The following CADPS variants were observed in gnomAD, a reference collection of about 807,000 sequenced individuals.
CADPS encodes the protein calcium-dependent secretion activator 1.
In CADPS, 57 loss-of-function variants were observed where a neutral mutation model predicts 167.3. The ratio of observed to expected loss-of-function variants is 0.34; its 90% CI spans 0.28 to 0.42. The LOEUF is 0.42. Ranked by LOEUF, CADPS falls within the 20% of genes least tolerant of loss-of-function variation. CADPS has a pLI of 1.00. For synonymous variants in CADPS, 676 were observed against 635.3 expected (o/e 1.06, Z -0.96); for missense variants, 1,414 against 1,738.1 (o/e 0.81, Z 3.32).
chr3:62,565,979 T>G (rs1474237765), intron 9 of CADPS, among the ~76,000 whole-genome samples: 1 of 152,232 alleles, frequency 6.6e-6, no homozygotes, highest in Non-Finnish European at 1.5e-5. Context: ...CCTCTCTTCA[T>G]CTTTGTTTTT....
At chr3:62,568,404 G>T (rs751991492) in intron 9 of CADPS, among the ~76,000 whole-genome samples, 4 of 152,236 alleles carry the variant, frequency 2.6e-5, no homozygotes, top group Non-Finnish European at 4.4e-5. Context: ...GGTGGAAGGA[G>T]GTGGGATAAG....
chr3:62,768,102 C>G (rs1480341831), intron 1 of CADPS, among the ~76,000 whole-genome samples: 4 of 152,124 alleles, frequency 2.6e-5, no homozygotes, highest in Non-Finnish European at 5.9e-5. Context: ...ACCCATGGAG[C>G]AGAGCACATA....
intron 1 of CADPS, among the ~76,000 whole-genome samples, chr3:62,865,385 T>TAAAAAAAAAAAAAAAA (rs35780515): frequency 9.1e-6 from 1 of 110,150 alleles, no homozygotes. Context: ...ACTTAAGGAT[T>TAAAAAAAAAAAAAAAA]AAAAAAAAAA....
intron 13 of CADPS, among the ~76,000 whole-genome samples, chr3:62,522,903 G>T (rs562766061): frequency 6.6e-6 from 1 of 152,114 alleles, no homozygotes; most frequent in Non-Finnish European, 1.5e-5. Flanking sequence ...TCCCACCTGC[G>T]GGCCATCACT....
chr3:62,819,140 T>C, intron 1 of CADPS, among the ~76,000 whole-genome samples: 1 of 152,114 alleles, frequency 6.6e-6, no homozygotes, highest in East Asian at 1.9e-4. Flanking sequence ...CAAAACTCAG[T>C]GAACTGTACA....
At chr3:62,550,183 T>C (rs1423585185) in intron 10 of CADPS, 68 bp from the exon 11 acceptor site, 6 of 1,294,770 alleles carry the variant, frequency 4.6e-6, no homozygotes, top group Non-Finnish European at 6.7e-6. Context: ...ACTCAGCCTT[T>C]GAAAAAGCAG....
chr3:62,527,296 A>G (rs1393368730), intron 13 of CADPS, among the ~76,000 whole-genome samples: 2 of 152,148 alleles, frequency 1.3e-5, no homozygotes, highest in African/African-American at 4.8e-5. Context: ...CACTATTAAC[A>G]TTTTTGGCTT....
At chr3:62,529,128 T>C (rs1367785682) in intron 13 of CADPS, among the ~76,000 whole-genome samples, 1 of 152,048 alleles carries the variant, frequency 6.6e-6, no homozygotes, top group African/African-American at 2.4e-5. Context: ...GCCATTGCAC[T>C]CCAGCATGGG....
At position 62,868,261 on chromosome 3, in the gene CADPS, G is replaced by T. The variant is rs1032101299; in HGVS notation, c.441+6328C>A. ...GGATGCTTTACAGGGGCCAGGGTCA[G>T]ATCAGTGATACTTGTTAAGCAATTG... is the stretch of plus-strand genomic sequence containing the variant. On this transcript the variant is annotated intron_variant, in intron 1 of 29. Coordinates refer to ENST00000383710, the MANE Select transcript of CADPS (RefSeq NM_003716.4). Among the ~76,000 whole-genome samples the T allele has an allele frequency of 2.6e-5, 4 of 152,108 alleles. No homozygotes were observed. The South Asian group carries it at 6.2e-4, about 24-fold the overall frequency.
At chr3:62,763,984 C>T (rs1179649317) in intron 2 of CADPS, among the ~76,000 whole-genome samples, 1 of 152,128 alleles carries the variant, frequency 6.6e-6, no homozygotes, top group East Asian at 1.9e-4. Context: ...CTCATTAGCA[C>T]CTTGATGACT....
intron 6 of CADPS, among the ~76,000 whole-genome samples, chr3:62,628,313 G>A (rs887700050): frequency 2.0e-5 from 3 of 152,166 alleles, no homozygotes; most frequent in Non-Finnish European, 4.4e-5. Context: ...TAGCCATCAT[G>A]CAATCATTTT....
intron 6 of CADPS, among the ~76,000 whole-genome samples, chr3:62,607,289 G>A (rs1364310299): frequency 1.3e-5 from 2 of 152,212 alleles, no homozygotes; most frequent in Non-Finnish European, 2.9e-5. Flanking sequence ...CACGGTGTGA[G>A]AGCTGCACTG....
intron 11 of CADPS, among the ~76,000 whole-genome samples, chr3:62,549,446 T>TG (rs1267532555): frequency 1.7e-4 from 14 of 83,662 alleles, no homozygotes; most frequent in African/African-American, 3.9e-4. Flanking sequence ...CCATGTTTTG[T>TG]GTTTTTTTTT....
At chr3:62,845,150 T>C (rs1418614800) in intron 1 of CADPS, among the ~76,000 whole-genome samples, 2 of 152,188 alleles carry the variant, frequency 1.3e-5, no homozygotes, top group Admixed American at 6.5e-5. Context: ...ACACTTTTCA[T>C]CTCAGAAGGA....
chr3:62,504,960 G>A (rs2066400393), intron 17 of CADPS, among the ~76,000 whole-genome samples: 3 of 152,114 alleles, frequency 2.0e-5, no homozygotes, highest in Non-Finnish European at 4.4e-5. Flanking sequence ...TATGATTGAT[G>A]GAAACTCACT....
chr3:62,853,517 C>T (rs563628051), intron 1 of CADPS, among the ~76,000 whole-genome samples: 16 of 150,990 alleles, frequency 1.1e-4, no homozygotes, highest in Admixed American at 8.6e-4. Flanking sequence ...CCCAGCTACT[C>T]GGGAGGCTGA....
rs189306779 is a variant in CADPS, at chr3:62,414,338, C to A, written c.3778-11153G>T. On this transcript the variant is annotated intron_variant, in intron 28 of 29. Transcript: ENST00000383710. ...ACAGCTCTCCATCCAGAATCACTCC[C>A]ACCACAACAGACTTATTAAGGTTTG... Among the ~76,000 whole-genome samples the A allele has an allele frequency of 1.7e-3, 259 of 152,340 alleles. 1 individual carries two copies. Among genetic ancestry groups the A allele is most frequent in the African/African-American group, 5.9e-3 (244 of 41,574 alleles).
intron 17 of CADPS, among the ~76,000 whole-genome samples, chr3:62,507,089 T>C (rs2066826861): frequency 6.7e-6 from 1 of 150,310 alleles, no homozygotes; most frequent in African/African-American, 2.5e-5. Flanking sequence ...GATTCAGTAG[T>C]ACTACTAAGT....
chr3:62,804,890 A>G (rs551181696), intron 1 of CADPS, among the ~76,000 whole-genome samples: 12 of 152,304 alleles, frequency 7.9e-5, no homozygotes, highest in Admixed American at 3.9e-4. Context: ...AGGAGGACAA[A>G]AATCTCAAAT....
Sources: gnomAD v4.1 joint callset for allele counts (sites outside exome capture counted in the v4.1 genomes callset) on GRCh38, gnomAD v4.1.1 for gene constraint, MANE v1.5 for transcripts, NCBI Gene and HGNC (gene_info 2026-07-23, HGNC 2026-07-21) for gene names.